ITPRID1: variants seen among roughly 807,000 people sequenced by gnomAD.
ITPRID1 encodes the protein ITPR interacting domain containing 1.
A neutral mutation model predicts 95.4 loss-of-function variants in ITPRID1; 96 were observed. The observed-to-expected ratio is 1.01, with a 90% CI of 0.85 to 1.19. The LOEUF is 1.19. Ranked by LOEUF, ITPRID1 falls within the 50% of genes most tolerant of loss-of-function variation. The pLI, the probability that ITPRID1 is intolerant of heterozygous loss-of-function variation, is 0.00. For missense variants in ITPRID1, 1,339 were observed against 1,252.9 expected (o/e 1.07, Z -1.04); for synonymous variants, 510 against 453.6 (o/e 1.12, Z -1.58).
chr7:31,520,517 G>T (rs73689133), intron 1 of ITPRID1, among the ~76,000 whole-genome samples: 1,483 of 24,568 alleles, frequency 0.06, 28 homozygotes, highest in African/African-American at 0.14. Context: ...CCACATCATT[G>T]TGTGTGTGTG....
At chr7:31,555,573 A>G (rs1784419925) in intron 5 of ITPRID1, among the ~76,000 whole-genome samples, 1 of 152,192 alleles carries the variant, frequency 6.6e-6, no homozygotes, top group South Asian at 2.1e-4. Flanking sequence ...GGCAATTACA[A>G]ACAGAAGGCA....
chr7:31,657,679 C>CT (rs1002114429), downstream of ITPRID1, among the ~76,000 whole-genome samples: 29 of 151,136 alleles, frequency 1.9e-4, no homozygotes, highest in African/African-American at 2.7e-4. Flanking sequence ...TCCTGTATTC[C>CT]TTTTTTTTTG....
intron 12 of ITPRID1, among the ~76,000 whole-genome samples, chr7:31,649,288 G>C (rs1344243838): frequency 6.6e-6 from 1 of 152,162 alleles, no homozygotes; most frequent in Non-Finnish European, 1.5e-5. Flanking sequence ...ATGTAGTTTA[G>C]AGAGGAAGGG....
At chr7:31,580,298 CAAAA>C (rs11394739) in intron 9 of ITPRID1, among the ~76,000 whole-genome samples, 2 of 126,874 alleles carry the variant, frequency 1.6e-5, no homozygotes, top group Admixed American at 8.3e-5. Flanking sequence ...AACTCTGTCT[CAAAA>C]AAAAAAAAAA....
Position 31,643,278 on chromosome 7 carries a change from A to G in ITPRID1, c.1908A>G (p.Pro636=), listed in dbSNP as rs769646200. 9 of 1,613,740 alleles carry G rather than the reference A, an allele frequency of 5.6e-6. No individual in the cohort carries two copies. In the East Asian group the frequency reaches 1.6e-4, roughly 28 times the overall value. ...ACACCAACCACAGCTTACTCGTACC[A>G]GAAAGCTCATCACAGTGTATCCCCA... ...CPHTNHSLLV[P]ESSSQCIPKH... Residue 636 remains proline, a synonymous_variant, in exon 12 of 15, where the codon CCA becomes CCG. Coordinates refer to ENST00000615280, the MANE Select transcript of ITPRID1 (RefSeq NM_001257967.3).
rs1785112985 is a variant in ITPRID1, at chr7:31,574,653, G to A, written c.509G>A (p.Gly170Asp). 6.2e-7 allele frequency: 1 copy of A among 1,613,936 alleles called. No homozygotes were observed. Residue 170 changes from glycine to aspartate, a missense_variant, in exon 8 of 15, where the codon GGT becomes GAT. By Grantham distance (94) the Gly-to-Asp change is moderately conservative. Coordinates refer to ENST00000615280, the MANE Select transcript of ITPRID1 (RefSeq NM_001257967.3). ...ATGCAAATCCCAGCCAGATTCCTTG[G>A]TTGTGGCTCAGCAGCCAGAGGAATC... ...ICMQIPARFL[G>D]CGSAARGINI...
rs1791225462 is a variant in ITPRID1, at chr7:31,654,964, G to T, written c.*2135G>T. On this transcript the variant is annotated 3_prime_UTR_variant, in exon 15 of 15. Coordinates refer to ENST00000615280, the MANE Select transcript of ITPRID1 (RefSeq NM_001257967.3). ...GGACCACCACACTATTTTTCCCATGGACTTAACATTCTCAGAGCGTGGACA... is the reference window on the plus strand; with the variant it reads ...GGACCACCACACTATTTTTCCCATGTACTTAACATTCTCAGAGCGTGGACA... Among the ~76,000 whole-genome samples, 1 of 152,014 alleles carries T rather than the reference G, an allele frequency of 6.6e-6. No individual in the cohort carries two copies. The highest frequency in any genetic ancestry group is 1.5e-5 in the Non-Finnish European group (1 of 68,014).
intron 1 of ITPRID1, among the ~76,000 whole-genome samples, chr7:31,515,778 CAAAATGATATATTTCTTATCTACAGA>C (rs1783023304): frequency 6.6e-6 from 1 of 151,872 alleles, no homozygotes; most frequent in African/African-American, 2.4e-5. Flanking sequence ...TGCAATGAGC[CAAAATGATATATTTCTTATCTACAGA>C]AAGAATGATG....
At chr7:31,575,484 C>T (rs1285530826) in intron 8 of ITPRID1, among the ~76,000 whole-genome samples, 1 of 152,170 alleles carries the variant, frequency 6.6e-6, no homozygotes, top group Non-Finnish European at 1.5e-5. Context: ...GGTGCCTGTA[C>T]TGTGCTCAAA....
intron 10 of ITPRID1, among the ~76,000 whole-genome samples, chr7:31,598,434 C>T (rs550339392): frequency 1.2e-4 from 15 of 121,780 alleles, no homozygotes; most frequent in Admixed American, 2.2e-4. Context: ...GACGGAGTCT[C>T]GCTCTGTCAC....
intron 10 of ITPRID1, among the ~76,000 whole-genome samples, chr7:31,624,926 G>GA (rs905908499): frequency 1.3e-5 from 2 of 151,894 alleles, no homozygotes; most frequent in African/African-American, 2.4e-5. Flanking sequence ...AAATTTACAA[G>GA]AAAAAAACAA....
chr7:31,640,688 C>T (rs1002085751), intron 10 of ITPRID1, among the ~76,000 whole-genome samples: 2 of 149,704 alleles, frequency 1.3e-5, no homozygotes, highest in Non-Finnish European at 3.0e-5. Context: ...TCAGTTGGTT[C>T]GGGTAGGAGG....
rs1405095670 is a variant in ITPRID1, at chr7:31,653,913, A to G, written c.*1084A>G. Among the ~76,000 whole-genome samples the G allele has an allele frequency of 6.6e-6, 1 of 152,174 alleles. No individual in the cohort carries two copies. The highest frequency in any genetic ancestry group is 1.5e-5 in the Non-Finnish European group (1 of 68,038). ...GAAGGAGGATCCAGGCCTCAGAGGTACCAGACTGTCCAGTCAGGCAGCCAG... is the reference window on the plus strand; with the variant it reads ...GAAGGAGGATCCAGGCCTCAGAGGTGCCAGACTGTCCAGTCAGGCAGCCAG... On this transcript the variant is annotated 3_prime_UTR_variant, in exon 15 of 15. Transcript: ENST00000615280.
chr7:31,521,833 C>T (rs1448601239), intron 1 of ITPRID1, among the ~76,000 whole-genome samples: 2 of 151,620 alleles, frequency 1.3e-5, no homozygotes, highest in East Asian at 3.9e-4. Context: ...AAGTGATCCT[C>T]CCATCTCAGC....
intron 10 of ITPRID1, among the ~76,000 whole-genome samples, chr7:31,584,004 A>G (rs1279520347): frequency 3.3e-5 from 5 of 152,194 alleles, no homozygotes; most frequent in Admixed American, 2.6e-4. Context: ...CCCTAGATGT[A>G]GCTTTGCAAG....
rs1394773764 is a variant in ITPRID1, at chr7:31,549,727, T to G, written c.-24+228T>G. On this transcript the variant is annotated intron_variant, in intron 2 of 14. Coordinates refer to ENST00000615280, the MANE Select transcript of ITPRID1 (RefSeq NM_001257967.3). ...AAGAAAGCTGACAAAGCCAACTGAA[T>G]GCTCCTTTCCCAAGTAACCAAGCAA... is the stretch of plus-strand genomic sequence containing the variant. 2.6e-5 allele frequency among the ~76,000 whole-genome samples: 4 copies of G among 152,160 alleles called. No individual in the cohort carries two copies. In the East Asian group the frequency reaches 7.7e-4, roughly 29 times the overall value.
chr7:31,607,903 T>C (rs1562604757), intron 10 of ITPRID1, among the ~76,000 whole-genome samples: 1 of 152,108 alleles, frequency 6.6e-6, no homozygotes. Context: ...TTTATGTATT[T>C]AACCTCGTGA....
chr7:31,641,664 T>A (rs1357386445), intron 10 of ITPRID1, among the ~76,000 whole-genome samples: 1 of 152,178 alleles, frequency 6.6e-6, no homozygotes, highest in Non-Finnish European at 1.5e-5. Context: ...TGTCCCAGCC[T>A]CTTCTGGTGG....
At chr7:31,586,747 G>A (rs1785629739) in intron 10 of ITPRID1, among the ~76,000 whole-genome samples, 2 of 151,862 alleles carry the variant, frequency 1.3e-5, no homozygotes, top group Non-Finnish European at 2.9e-5. Context: ...TTAGCCCTTT[G>A]TCAGATGAGT....
Sources: gnomAD v4.1 joint callset for allele counts (sites outside exome capture counted in the v4.1 genomes callset) on GRCh38, gnomAD v4.1.1 for gene constraint, MANE v1.5 for transcripts, NCBI Gene and HGNC (gene_info 2026-07-23, HGNC 2026-07-21) for gene names.